Variants in LVRN observed in about 807,000 individuals in gnomAD.
LVRN encodes laeverin.
In LVRN, 99 loss-of-function variants were observed where a neutral mutation model predicts 111.4. The ratio of observed to expected loss-of-function variants is 0.89; its 90% CI spans 0.76 to 1.05. The LOEUF is 1.05. Among genes scored for constraint, LVRN ranks in the 50% least tolerant of loss-of-function variants. The pLI, the probability that LVRN is intolerant of heterozygous loss-of-function variation, is 0.00. For missense variants in LVRN, 1,414 were observed against 1,206.8 expected (o/e 1.17, Z -2.54); for synonymous variants, 488 against 449.5 (o/e 1.09, Z -1.08).
chr5:115,986,596 A>G (rs1747870278), intron 3 of LVRN, among the ~76,000 whole-genome samples: 1 of 152,192 alleles, frequency 6.6e-6, no homozygotes, highest in Non-Finnish European at 1.5e-5. Context: ...TTACAAAGTT[A>G]ATGGGTCCAT....
chr5:115,998,847 G>A (rs947110515), intron 6 of LVRN, among the ~76,000 whole-genome samples: 2 of 152,174 alleles, frequency 1.3e-5, no homozygotes, highest in Non-Finnish European at 2.9e-5. Context: ...GAAAAGCAGA[G>A]TTTGATAATG....
intron 12 of LVRN, among the ~76,000 whole-genome samples, chr5:116,004,991 C>T (rs1748328965): frequency 6.6e-6 from 1 of 152,082 alleles, no homozygotes; most frequent in Non-Finnish European, 1.5e-5. Context: ...TAAGGGCATT[C>T]TAAGCCATGA....
Position 115,987,797 on chromosome 5 carries a change from A to T in LVRN, c.979-16A>T, listed in dbSNP as rs767070665. ...CTACTGGTTTTCCTAATCACTGCTT[A>T]ACTGTTTTGATTTAGATACGCATCT... On this transcript the variant is annotated splice_polypyrimidine_tract_variant and intron_variant, in intron 3 of 19. Coordinates refer to ENST00000357872, the MANE Select transcript of LVRN (RefSeq NM_173800.5). 6.2e-7 allele frequency: 1 copy of T among 1,607,320 alleles called. No homozygotes were observed. The highest frequency in any genetic ancestry group is 1.1e-5 in the South Asian group (1 of 89,710).
chr5:115,963,566 T>C (rs1286854515), intron 1 of LVRN, among the ~76,000 whole-genome samples: 1 of 152,188 alleles, frequency 6.6e-6, no homozygotes, highest in Non-Finnish European at 1.5e-5. Context: ...CATTAAGAAA[T>C]ATACCCATTA....
chr5:116,007,877 G>A lies in LVRN; in HGVS notation c.2093+1910G>A, dbSNP rs116036562. On this transcript the variant is annotated intron_variant, in intron 13 of 19. Transcript: ENST00000357872. Reference sequence around the variant, plus strand: ...ATTGTTATATCTGTTACAGTAATCTGTGAACAGGAATTGATGATGTTATGA... The same window carrying A: ...ATTGTTATATCTGTTACAGTAATCTATGAACAGGAATTGATGATGTTATGA... 4.6e-3 allele frequency among the ~76,000 whole-genome samples: 708 copies of A among 152,292 alleles called. 7 individuals are homozygous for A. The highest frequency in any genetic ancestry group is 0.016 in the African/African-American group (652 of 41,566).
chr5:116,013,533 G>A (rs568989682), intron 15 of LVRN, among the ~76,000 whole-genome samples: 4 of 152,224 alleles, frequency 2.6e-5, no homozygotes, highest in East Asian at 3.9e-4. Context: ...TGTTGCTACC[G>A]GCTTGAGATT....
At chr5:115,988,044 T>C in intron 4 of LVRN, 105 bp downstream of exon 4, 4 of 1,438,116 alleles carry the variant, frequency 2.8e-6, no homozygotes, top group Non-Finnish European at 3.8e-6. Context: ...ACCATCACCA[T>C]TTAGCTGCTG....
chr5:115,986,233 A>G (rs537482183), intron 3 of LVRN, among the ~76,000 whole-genome samples: 2 of 152,342 alleles, frequency 1.3e-5, no homozygotes, highest in East Asian at 3.9e-4. Flanking sequence ...ACACTGGCCA[A>G]GTTAAACGTG....
intron 5 of LVRN, among the ~76,000 whole-genome samples, chr5:115,993,202 T>C (rs964172616): frequency 9.5e-5 from 5 of 52,418 alleles, no homozygotes; most frequent in Non-Finnish European, 2.0e-4. Context: ...TTGACACTGT[T>C]TTTTTTTTTC....
Position 116,014,404 on chromosome 5 carries a change from T to TGACTTTTTCTTC in LVRN, c.2343-15_2343-4dup. On this transcript the variant is annotated splice_polypyrimidine_tract_variant and intron_variant, in intron 15 of 19. Coordinates refer to ENST00000357872, the MANE Select transcript of LVRN (RefSeq NM_173800.5). ...TAATGCAAAATAAACTGTTTTTCTT[T>TGACTTTTTCTTC]GACTTTTTCTTCAAGAATATCACTG... The TGACTTTTTCTTC allele has an allele frequency of 6.3e-7, 1 of 1,594,252 alleles. No individual in the cohort carries two copies. The highest frequency in any genetic ancestry group is 8.6e-7 in the Non-Finnish European group (1 of 1,164,342).
At chr5:115,993,245 G>A (rs17138599) in intron 5 of LVRN, among the ~76,000 whole-genome samples, 6,408 of 150,492 alleles carry the variant, frequency 0.043, 243 homozygotes, top group African/African-American at 0.11. Context: ...ATTAACAGCT[G>A]AGCCATATTG....
intron 2 of LVRN, among the ~76,000 whole-genome samples, chr5:115,983,786 A>G (rs945411209): frequency 8.5e-5 from 13 of 152,072 alleles, no homozygotes; most frequent in Non-Finnish European, 1.5e-4. Context: ...TTTTCTTTTG[A>G]TTAAATCAGT....
At chr5:116,012,805 G>A (rs567902538) in intron 15 of LVRN, among the ~76,000 whole-genome samples, 3 of 152,134 alleles carry the variant, frequency 2.0e-5, no homozygotes, top group Non-Finnish European at 4.4e-5. Context: ...TGAGTTGAAG[G>A]GCGTGGGAAA....
chr5:115,985,733 G>C (rs894504934), intron 3 of LVRN, among the ~76,000 whole-genome samples: 3 of 152,154 alleles, frequency 2.0e-5, no homozygotes, highest in African/African-American at 7.2e-5. Flanking sequence ...TGAAATAGCT[G>C]GTTTTCACCC....
At chr5:115,992,776 A>G (rs538319932) in intron 5 of LVRN, among the ~76,000 whole-genome samples, 1 of 152,336 alleles carries the variant, frequency 6.6e-6, no homozygotes, top group South Asian at 2.1e-4. Flanking sequence ...TGTGTAAATG[A>G]CAATTCATTT....
chr5:115,994,718 G>A (rs1580387621), intron 6 of LVRN, among the ~76,000 whole-genome samples: 2 of 152,142 alleles, frequency 1.3e-5, no homozygotes, highest in African/African-American at 4.8e-5. Context: ...ACATCAATGT[G>A]AAAATCTAAT....
chr5:116,010,845 G>C lies in LVRN; in HGVS notation c.2198G>C (p.Arg733Thr). The C allele has an allele frequency of 6.2e-7, 1 of 1,611,222 alleles. No individual in the cohort carries two copies. Among genetic ancestry groups the C allele is most frequent in the South Asian group, 1.1e-5 (1 of 90,638 alleles). The change falls in exon 14 of 20, where the codon AGG becomes ACG. Residue 733 changes from arginine (R) to threonine (T), a missense_variant. Transcript: ENST00000357872. ...ACAGTCTTGGTAAACTTGGTAACCA[G>C]GGATCTTGTTTCTGAGGTGAACATC... The part of the protein sequence containing the change: ...WHTVLVNLVT[R>T]DLVSEVNIYD...
chr5:116,003,221 A>T lies in LVRN; in HGVS notation c.1898-20A>T. ...TTTTTTAAATGTACCATTTCAAATT[A>T]TTCCCATATTCCTTTATAGAAGTAT... is the stretch of plus-strand genomic sequence containing the variant. On this transcript the variant is annotated intron_variant, in intron 11 of 19. Coordinates refer to ENST00000357872, the MANE Select transcript of LVRN (RefSeq NM_173800.5). The T allele has an allele frequency of 1.3e-6, 2 of 1,551,340 alleles. No homozygotes were observed. Among genetic ancestry groups the T allele is most frequent in the Non-Finnish European group, 1.7e-6 (2 of 1,144,548 alleles).
chr5:115,978,782 T>G (rs1464422500), intron 1 of LVRN, among the ~76,000 whole-genome samples: 2 of 152,098 alleles, frequency 1.3e-5, no homozygotes, highest in Non-Finnish European at 2.9e-5. Context: ...CCTATCTTGA[T>G]AGCTGCTATT....
Sources: gnomAD v4.1 joint callset for allele counts (sites outside exome capture counted in the v4.1 genomes callset) on GRCh38, gnomAD v4.1.1 for gene constraint, MANE v1.5 for transcripts, NCBI Gene and HGNC (gene_info 2026-07-23, HGNC 2026-07-21) for gene names.